The following TRPM1 variants were observed in gnomAD, a reference collection of about 807,000 sequenced individuals.
TRPM1 encodes TRPM1-203 APA Isoform, Intron 10.
Under a neutral mutation model 149.4 loss-of-function variants are expected in TRPM1, and 113 were observed. The ratio of observed to expected loss-of-function variants is 0.76; its 90% CI spans 0.65 to 0.88. TRPM1 has a LOEUF of 0.88. Among genes scored for constraint, TRPM1 ranks in the 40% least tolerant of loss-of-function variants. The pLI, the probability that TRPM1 is intolerant of heterozygous loss-of-function variation, is 0.00. For missense variants in TRPM1, 1,976 were observed against 2,038.7 expected, an observed-to-expected ratio of 0.97 and a Z score of 0.59; for synonymous variants, 741 against 759.5, an observed-to-expected ratio of 0.98 and a Z score of 0.40.
intron 1 of TRPM1, among the ~76,000 whole-genome samples, chr15:31,153,035 G>A (rs1018993500): frequency 6.6e-6 from 1 of 152,168 alleles, no homozygotes; most frequent in Non-Finnish European, 1.5e-5. Flanking sequence ...GGCCCTGAAA[G>A]AACTCAAAGT....
intron 1 of TRPM1, among the ~76,000 whole-genome samples, chr15:31,159,764 G>A (rs1043597644): frequency 8.5e-5 from 13 of 152,094 alleles, no homozygotes; most frequent in Non-Finnish European, 1.9e-4. Context: ...TTTTATGGAC[G>A]GGGAGACTGC....
At chr15:31,069,573 T>C (rs2034474580) in intron 4 of TRPM1, 1 of 1,224,678 alleles carries the variant, frequency 8.2e-7, no homozygotes, top group Non-Finnish European at 1.0e-6. Flanking sequence ...ACTCCCTGTT[T>C]ACATGCAAAT....
intron 1 of TRPM1, among the ~76,000 whole-genome samples, chr15:31,096,842 G>C (rs1048155013): frequency 7.2e-5 from 11 of 152,210 alleles, no homozygotes; most frequent in African/African-American, 2.7e-4. Flanking sequence ...AGGCCTGTCA[G>C]GTGTGGGCAT....
intron 1 of TRPM1, among the ~76,000 whole-genome samples, chr15:31,116,835 C>A (rs907458308): frequency 1.3e-5 from 2 of 152,134 alleles, no homozygotes; most frequent in Admixed American, 6.6e-5. Flanking sequence ...ACAGTGTAAT[C>A]CCTGGCCAGA....
At chr15:31,161,115 G>A (rs2036440771) in exon 1 of TRPM1, 4 of 716,978 alleles carry the variant, frequency 5.6e-6, no homozygotes, top group Non-Finnish European at 9.3e-6. Flanking sequence ...CGAGGGGGCC[G>A]AGATCCTGGG....
chr15:31,106,661 G>A (rs2035611233), upstream of TRPM1, among the ~76,000 whole-genome samples: 3 of 152,124 alleles, frequency 2.0e-5, no homozygotes, highest in South Asian at 6.2e-4. Context: ...CTGAGTGGAT[G>A]CATGAGAGTT....
chr15:31,063,123 T>C lies in TRPM1; in HGVS notation c.960A>G (p.Glu320=), dbSNP rs2034278691. 6.2e-7 allele frequency: 1 copy of C among 1,614,120 alleles called. No homozygotes were observed. Among genetic ancestry groups the C allele is most frequent in the African/African-American group, 1.3e-5 (1 of 74,956 alleles). ...TCGCGCGTCAGAAATCCTACCCGCC[T>C]TCTTCACAGTACTTGTGCGCAAAGG... ...ILSFAHKYCE[E]GGIINESLRE... is the part of the protein sequence containing the mutation. Residue 320 remains glutamate (E), a synonymous_variant, in exon 8 of 28, where the codon GAA becomes GAG. Transcript: ENST00000256552.
chr15:31,127,746 G>C (rs758104336), intron 1 of TRPM1, among the ~76,000 whole-genome samples: 1 of 152,150 alleles, frequency 6.6e-6, no homozygotes, highest in Non-Finnish European at 1.5e-5. Flanking sequence ...TGGAGGGTGA[G>C]CATCTAGATC....
chr15:31,126,356 A>G (rs888346878), intron 1 of TRPM1, among the ~76,000 whole-genome samples: 8 of 152,226 alleles, frequency 5.3e-5, no homozygotes, highest in Non-Finnish European at 8.8e-5. Context: ...AACTGCAGGA[A>G]GCCACTGCGA....
chr15:31,003,783 T>C (rs1461026691), intron 27 of TRPM1, among the ~76,000 whole-genome samples: 1 of 152,060 alleles, frequency 6.6e-6, no homozygotes, highest in Non-Finnish European at 1.5e-5. Context: ...TTATTCTTTA[T>C]ATTTAATAAT....
chr15:31,082,688 G>A (rs2034892442), intron 1 of TRPM1, among the ~76,000 whole-genome samples: 1 of 152,186 alleles, frequency 6.6e-6, no homozygotes, highest in Admixed American at 6.5e-5. Flanking sequence ...TGCCAGCTCT[G>A]TACTTATTTA....
chr15:31,135,422 AAAAT>A (rs1187307081), intron 1 of TRPM1, among the ~76,000 whole-genome samples: 1 of 152,210 alleles, frequency 6.6e-6, no homozygotes, highest in African/African-American at 2.4e-5. Flanking sequence ...AAAAAAATTA[AAAAT>A]AAATAAAATT....
intron 5 of TRPM1, among the ~76,000 whole-genome samples, chr15:31,067,461 A>T (rs1449438511): frequency 6.6e-6 from 1 of 152,206 alleles, no homozygotes; most frequent in African/African-American, 2.4e-5. Context: ...AAAGCTGGAA[A>T]TAACTGGAGT....
At chr15:31,101,481 C>T (rs2035514708) in intron 1 of TRPM1, among the ~76,000 whole-genome samples, 176 bp downstream of exon 1, 1 of 152,208 alleles carries the variant, frequency 6.6e-6, no homozygotes. Context: ...CCTGAGCTTG[C>T]CTGCACCTGC....
At chr15:31,007,159 T>G (rs2032019513) in intron 27 of TRPM1, among the ~76,000 whole-genome samples, 1 of 152,260 alleles carries the variant, frequency 6.6e-6, no homozygotes, top group African/African-American at 2.4e-5. Context: ...TTTAGATCTA[T>G]GATCCATTTT....
intron 27 of TRPM1, among the ~76,000 whole-genome samples, chr15:31,012,702 C>T (rs2032228446): frequency 6.6e-6 from 1 of 152,008 alleles, no homozygotes; most frequent in Non-Finnish European, 1.5e-5. Flanking sequence ...AATATTGTTT[C>T]TGCCAGTTTC....
intron 11 of TRPM1, among the ~76,000 whole-genome samples, chr15:31,053,074 G>C (rs1179440541): frequency 6.6e-6 from 1 of 152,046 alleles, no homozygotes. Flanking sequence ...TCAACAACAA[G>C]AAAACCCAAC....
rs531138276 is a variant in TRPM1, at chr15:31,052,673, G to A, written c.1264-2091C>T. ...GCCTGTAATCCCAGCTACTTAGGAG[G>A]CTGAGGCAGGAGAATTCCTTGAACC... On this transcript the variant is annotated intron_variant, in intron 11 of 27. Coordinates refer to ENST00000256552, the MANE Select transcript of TRPM1 (RefSeq NM_001252024.2). Among the ~76,000 whole-genome samples the A allele has an allele frequency of 9.2e-5, 14 of 152,306 alleles. No homozygotes were observed. The South Asian group carries it at 2.9e-3, about 32-fold the overall frequency.
At chr15:31,094,433 C>T (rs1402429836) in intron 1 of TRPM1, among the ~76,000 whole-genome samples, 1 of 152,118 alleles carries the variant, frequency 6.6e-6, no homozygotes, top group Non-Finnish European at 1.5e-5. Flanking sequence ...AACCCACAAC[C>T]TATAGAATGG....
Sources: gnomAD v4.1 joint callset for allele counts (sites outside exome capture counted in the v4.1 genomes callset) on GRCh38, gnomAD v4.1.1 for gene constraint, MANE v1.5 for transcripts, NCBI Gene and HGNC (gene_info 2026-07-23, HGNC 2026-07-21) for gene names.